ACSL4: variants seen among roughly 807,000 people sequenced by gnomAD.
The protein encoded by ACSL4 is acyl-CoA synthetase long chain family member 4.
ACSL4 carries 9 observed loss-of-function variants against 49.1 expected under a neutral mutation model. The observed-to-expected ratio is 0.18, with a 90% CI of 0.11 to 0.32. The LOEUF (loss-of-function observed/expected upper bound fraction) is 0.32, where lower values mean the gene tolerates loss of function less well. ACSL4 is among the 10% of genes least tolerant of loss of function. The probability of loss-of-function intolerance (pLI) is 1.00; values close to 1 mark genes in which losing one functional copy is unlikely to be tolerated. For synonymous variants in ACSL4, 191 were observed against 170.3 expected, an observed-to-expected ratio of 1.12 and a Z score of -0.95; for missense variants, 333 against 493.7, an observed-to-expected ratio of 0.67 and a Z score of 3.08.
chrX:109,700,358 C>T (rs1925809721), intron 1 of ACSL4, among the ~76,000 whole-genome samples: 1 of 107,963 alleles, frequency 9.3e-6, no homozygotes, highest in African/African-American at 3.4e-5. Flanking sequence ...GGTGAAAAAC[C>T]ACCTCTCCAC....
chrX:109,719,849 C>T (rs1927410672), intron 1 of ACSL4, among the ~76,000 whole-genome samples: 1 of 110,849 alleles, frequency 9.0e-6, no homozygotes, highest in Admixed American at 9.6e-5. Context: ...GAAAATTAGC[C>T]AGGCATGACG....
chrX:109,662,552 C>A (rs776040545), intron 13 of ACSL4, among the ~76,000 whole-genome samples: 31 of 110,913 alleles, frequency 2.8e-4, no homozygotes, highest in African/African-American at 9.2e-4. Flanking sequence ...CAAGTTTTAA[C>A]TTTTGCCTCA....
rs986713070 is a variant in ACSL4 at position 109,683,320 on chromosome X, C to T, written c.44G>A (p.Gly15Glu). Residue 15 changes from glycine to glutamate, a missense_variant, in exon 3 of 16, where the codon GGA becomes GAA. Physicochemically the swap from Gly to Glu is moderately conservative, Grantham distance 98. This residue lies in a region of ACSL4 where 157 missense variants were observed against 201.1 expected (regional missense o/e 0.78). Coordinates refer to ENST00000672401, the MANE Select transcript of ACSL4 (RefSeq NM_001318510.2). ...IKAKPTSDKP[G>E]SPYRSVTHFD... is the part of the protein sequence containing the mutation. The stretch of plus-strand genomic sequence containing the variant: ...GTGTGTGACAGAGCGATATGGACTT[C>T]CAGGTTTGTCTGAAGTGGGCTTAGC... 2 of 1,210,192 alleles carry T rather than the reference C, an allele frequency of 1.7e-6. No homozygotes were observed. The highest frequency in any genetic ancestry group is 2.2e-6 in the Non-Finnish European group (2 of 895,323).
At chrX:109,657,125 A>G (rs1921729781) in intron 15 of ACSL4, among the ~76,000 whole-genome samples, 1 of 111,944 alleles carries the variant, frequency 8.9e-6, no homozygotes, top group Non-Finnish European at 1.9e-5. Context: ...CCCCGAGTCT[A>G]TAGCAGAGTC....
intron 9 of ACSL4, among the ~76,000 whole-genome samples, chrX:109,673,492 T>C (rs1176632165): frequency 6.2e-5 from 7 of 112,447 alleles, no homozygotes; most frequent in Non-Finnish European, 1.3e-4. Flanking sequence ...AGATGCCTCT[T>C]CTTTCTGTTT....
At chrX:109,678,523 G>C (rs981414216) in intron 6 of ACSL4, 108 bp from the exon 7 acceptor site, 9 of 987,229 alleles carry the variant, frequency 9.1e-6, no homozygotes, top group Admixed American at 4.9e-5. Context: ...TCAATAGACA[G>C]TATTTGCTTT....
chrX:109,708,395 C>A (rs1926514333), intron 1 of ACSL4, among the ~76,000 whole-genome samples: 1 of 112,188 alleles, frequency 8.9e-6, no homozygotes, highest in South Asian at 3.6e-4. Flanking sequence ...TTGATAGTAA[C>A]AATGAATATG....
Position 109,643,893 on chromosome X carries a change from T to C in ACSL4, c.*136A>G. On this transcript the variant is annotated 3_prime_UTR_variant, in exon 16 of 16. Coordinates refer to ENST00000672401, the MANE Select transcript of ACSL4 (RefSeq NM_001318510.2). The stretch of plus-strand genomic sequence containing the variant: ...AACCGGACAACAATTTTAATAACTT[T>C]TGGTTTTGTTTTCTTTTTACTCTAT... 1.4e-6 allele frequency: 1 copy of C among 737,696 alleles called. No individual in the cohort carries two copies. Among genetic ancestry groups the C allele is most frequent in the South Asian group, 2.3e-5 (1 of 42,731 alleles). 60.8% of individuals were successfully genotyped at this position (737,696 alleles called of 1,213,427 possible). A position where few individuals can be genotyped will look rare whatever the true frequency, so the allele number is the denominator to read the frequency against.
intron 15 of ACSL4, among the ~76,000 whole-genome samples, chrX:109,654,736 A>G (rs1921479686): frequency 8.9e-6 from 1 of 112,233 alleles, no homozygotes; most frequent in Non-Finnish European, 1.9e-5. Flanking sequence ...GCCTCTGAAG[A>G]TAAGAGATGA....
chrX:109,669,416 C>T (rs1488995898), intron 9 of ACSL4, among the ~76,000 whole-genome samples: 4 of 101,340 alleles, frequency 3.9e-5, no homozygotes, highest in African/African-American at 7.4e-5. Context: ...TTTTTTGAGA[C>T]GGAGTCTCAC....
intron 2 of ACSL4, chrX:109,685,481 C>T (rs1413008539): frequency 1.8e-5 from 2 of 111,313 alleles, no homozygotes. Flanking sequence ...CCAGAAAAAT[C>T]AAAATATTAG....
At chrX:109,720,959 C>T (rs1927499163) in intron 1 of ACSL4, among the ~76,000 whole-genome samples, 1 of 112,252 alleles carries the variant, frequency 8.9e-6, no homozygotes, top group South Asian at 3.7e-4. Context: ...CTTCTCTTTT[C>T]TGCTCTGTTT....
chrX:109,662,598 A>C (rs1167984479), intron 13 of ACSL4, among the ~76,000 whole-genome samples: 1 of 111,171 alleles, frequency 9.0e-6, no homozygotes, highest in Non-Finnish European at 1.9e-5. Context: ...TTTTGGAGTC[A>C]TTTTTTGAAC....
At chrX:109,692,577 C>A (rs938627335) in intron 2 of ACSL4, among the ~76,000 whole-genome samples, 2 of 111,724 alleles carry the variant, frequency 1.8e-5, no homozygotes, top group Non-Finnish European at 3.8e-5. Context: ...GAGAGCAATA[C>A]AAATGGTTCA....
At chrX:109,674,251 T>G in intron 9 of ACSL4, 151 bp downstream of exon 9, 10 of 536,903 alleles carry the variant, frequency 1.9e-5, no homozygotes, top group Non-Finnish European at 2.8e-5. Flanking sequence ...GTACCTAAGA[T>G]TTTAATGAAC....
rs12011532 is a variant in ACSL4 at position 109,645,668 on chromosome X, C to T, written c.1856-1482G>A. On this transcript the variant is annotated intron_variant, in intron 15 of 15. Coordinates refer to ENST00000672401, the MANE Select transcript of ACSL4 (RefSeq NM_001318510.2). ...TCACCAGCAACGGAACAAAGCTGGA[C>T]GGAGAATGACTCTGGCGAGCTGAGA... 8.9e-3 allele frequency among the ~76,000 whole-genome samples: 996 copies of T among 112,248 alleles called. 11 individuals carry two copies. Among genetic ancestry groups the T allele is most frequent in the African/African-American group, 0.029 (904 of 30,881 alleles).
rs1488745656 is a variant in ACSL4, at chrX:109,725,057, TG to T, written c.-66+8081del. Among the ~76,000 whole-genome samples, 13 of 109,189 alleles carry T rather than the reference TG, an allele frequency of 1.2e-4. 3 individuals are homozygous for T. The South Asian group carries it at 1.2e-3, about 10-fold the overall frequency. The allele number at this position is 109,189 out of a possible 115,157, so 94.8% of individuals were successfully genotyped here. ...CAGGCATGACGCACTGTACCTGACC[TG>T]GGGTTTTTTTTGTTTTTGTTTTGTT... On this transcript the variant is annotated intron_variant, in intron 1 of 15. Transcript: ENST00000672401.
chrX:109,695,250 CAGG>C (rs1458136502), intron 2 of ACSL4, among the ~76,000 whole-genome samples: 1 of 108,660 alleles, frequency 9.2e-6, no homozygotes, highest in African/African-American at 3.4e-5. Flanking sequence ...GAGGCTAAGG[CAGG>C]AGAATTGCTT....
chrX:109,675,962 C>G (rs756649324), intron 8 of ACSL4, among the ~76,000 whole-genome samples: 1 of 111,766 alleles, frequency 8.9e-6, no homozygotes, highest in African/African-American at 3.3e-5. Context: ...AACACAGCAG[C>G]ACCCTGTCAT....
Sources: gnomAD v4.1 joint callset for allele counts (sites outside exome capture counted in the v4.1 genomes callset) on GRCh38, gnomAD v4.1.1 for gene constraint, gnomAD v4.1.1 regional missense constraint, MANE v1.5 for transcripts, NCBI Gene and HGNC (gene_info 2026-07-23, HGNC 2026-07-21) for gene names.